Variants in CSTPP1 observed in about 807,000 individuals in gnomAD.
CSTPP1 encodes the protein UPF0705 protein C11orf49.
At chr11:47,113,654 A>T in the CSTPP1 span, among the ~76,000 whole-genome samples, 2 of 152,186 alleles carry the variant, frequency 1.3e-5, no homozygotes, top group African/African-American at 4.8e-5. Flanking sequence ...TCTTCTTTTG[A>T]GAAGTGTCTG....
chr11:47,033,596 A>G, the CSTPP1 span, among the ~76,000 whole-genome samples: 1 of 152,014 alleles, frequency 6.6e-6, no homozygotes. Flanking sequence ...CTCTTTCATG[A>G]TCTCCTTGAT....
the CSTPP1 span, among the ~76,000 whole-genome samples, chr11:46,951,190 T>G: frequency 6.6e-6 from 1 of 152,176 alleles, no homozygotes; most frequent in African/African-American, 2.4e-5. Context: ...TCAGGTTTTG[T>G]AATTTCTAAG....
chr11:47,155,196 C>T, the CSTPP1 span: 6 of 1,613,718 alleles, frequency 3.7e-6, no homozygotes, highest in South Asian at 4.4e-5. Context: ...ATGGACGATG[C>T]CATGGACTGC....
the CSTPP1 span, among the ~76,000 whole-genome samples, chr11:47,100,933 G>A: frequency 1.3e-5 from 2 of 151,722 alleles, no homozygotes; most frequent in South Asian, 4.1e-4. Flanking sequence ...CTTCTTGACA[G>A]CATGAGATAA....
At chr11:47,164,283 G>A in the CSTPP1 span, 2 of 1,588,710 alleles carry the variant, frequency 1.3e-6, no homozygotes, top group South Asian at 1.1e-5. Flanking sequence ...CAGGGAGGCA[G>A]GATCCAGAGG....
At chr11:46,974,942 G>A in the CSTPP1 span, among the ~76,000 whole-genome samples, 2 of 150,368 alleles carry the variant, frequency 1.3e-5, no homozygotes, top group Non-Finnish European at 3.0e-5. Context: ...AGAAATTAGG[G>A]AAGAAACCAA....
the CSTPP1 span, among the ~76,000 whole-genome samples, chr11:46,964,735 A>C: frequency 6.6e-6 from 1 of 152,202 alleles, no homozygotes; most frequent in Non-Finnish European, 1.5e-5. Context: ...TATCTATCAA[A>C]TTGTTACTGA....
At chr11:47,138,094 C>G in the CSTPP1 span, 2 of 233,292 alleles carry the variant, frequency 8.6e-6, no homozygotes, top group African/African-American at 2.3e-5. Flanking sequence ...AAGATACTAC[C>G]CAAGACTGGG....
At chr11:47,138,719 T>C in the CSTPP1 span, among the ~76,000 whole-genome samples, 1 of 151,964 alleles carries the variant, frequency 6.6e-6, no homozygotes, top group Non-Finnish European at 1.5e-5. Context: ...GGCTCACGCC[T>C]GTAATCCCAG....
the CSTPP1 span, among the ~76,000 whole-genome samples, chr11:47,068,434 A>AG: frequency 2.0e-5 from 3 of 152,088 alleles, no homozygotes; most frequent in East Asian, 5.8e-4. Flanking sequence ...CAGGAGGCTG[A>AG]GGTGGGAGAA....
the CSTPP1 span, among the ~76,000 whole-genome samples, chr11:47,077,209 T>C: frequency 1.3e-5 from 2 of 151,804 alleles, no homozygotes; most frequent in Admixed American, 1.3e-4. Flanking sequence ...TTTTTTTTTT[T>C]TTCTTTTTAG....
chr11:47,137,586 A>G, the CSTPP1 span: 4 of 1,612,590 alleles, frequency 2.5e-6, no homozygotes, highest in Non-Finnish European at 3.4e-6. Flanking sequence ...AATGAACAAA[A>G]AGAGGGCAGT....
chr11:47,046,767 A>G, the CSTPP1 span, among the ~76,000 whole-genome samples: 2 of 147,096 alleles, frequency 1.4e-5, no homozygotes, highest in African/African-American at 5.1e-5. Context: ...CCCAGGTTCA[A>G]GTGATTCTCC....
the CSTPP1 span, among the ~76,000 whole-genome samples, chr11:47,127,285 T>C: frequency 6.6e-6 from 1 of 152,178 alleles, no homozygotes; most frequent in Non-Finnish European, 1.5e-5. Flanking sequence ...CTTATGGGGA[T>C]CAAAAGTGAT....
the CSTPP1 span, among the ~76,000 whole-genome samples, chr11:46,985,679 C>T: frequency 2.0e-5 from 3 of 152,142 alleles, no homozygotes; most frequent in Non-Finnish European, 4.4e-5. Context: ...TGAGTAAACT[C>T]CCAATAATGC....
the CSTPP1 span, among the ~76,000 whole-genome samples, chr11:46,974,361 C>G: frequency 2.0e-5 from 3 of 150,480 alleles, no homozygotes; most frequent in African/African-American, 4.9e-5. Flanking sequence ...AACCCCGTCT[C>G]TACTAAAAAT....
chr11:47,118,953 C>T, the CSTPP1 span, among the ~76,000 whole-genome samples: 2 of 152,242 alleles, frequency 1.3e-5, no homozygotes, highest in Non-Finnish European at 2.9e-5. Flanking sequence ...TTTCTCAGAG[C>T]TCAAACGCTG....
the CSTPP1 span, among the ~76,000 whole-genome samples, chr11:47,147,199 A>T: frequency 6.6e-6 from 1 of 152,212 alleles, no homozygotes; most frequent in African/African-American, 2.4e-5. Context: ...AGTGTTTGTT[A>T]TGTTATTCTC....
chr11:46,992,745 AT>A, the CSTPP1 span, among the ~76,000 whole-genome samples: 1 of 152,178 alleles, frequency 6.6e-6, no homozygotes, highest in Non-Finnish European at 1.5e-5. Context: ...TCCTTTGGGT[AT>A]ATACCCAGTA....
Sources: gnomAD v4.1 joint callset for allele counts (sites outside exome capture counted in the v4.1 genomes callset) on GRCh38, gnomAD v4.1.1 for gene constraint, MANE v1.5 for transcripts, NCBI Gene and HGNC (gene_info 2026-07-23, HGNC 2026-07-21) for gene names.